GPC2: variants seen among roughly 807,000 people sequenced by gnomAD.
GPC2 encodes the protein glypican-2.
A neutral mutation model predicts 57.3 loss-of-function variants in GPC2; 42 were observed. The observed-to-expected ratio is 0.73, with a 90% CI of 0.57 to 0.95. The LOEUF (loss-of-function observed/expected upper bound fraction) is 0.95, where lower values mean the gene tolerates loss of function less well. Among genes scored for constraint, GPC2 ranks in the 40% least tolerant of loss-of-function variants. The pLI is 0.00. For synonymous variants in GPC2, 364 were observed against 343.4 expected (o/e 1.06, Z -0.66); for missense variants, 745 against 793.6 (o/e 0.94, Z 0.74).
In GPC2 at chr7:100,177,232, C is replaced by A. The variant is rs1218517099; in HGVS notation, c.-33G>T. ...GCCACCCCAGGACGGCAAAGTGGGTCCTAAGGAGGAAAGCAGAGCCTCCCA... is the reference window on the plus strand; with the variant it reads ...GCCACCCCAGGACGGCAAAGTGGGTACTAAGGAGGAAAGCAGAGCCTCCCA... On this transcript the variant is annotated 5_prime_UTR_variant, in exon 1 of 10. Coordinates refer to ENST00000292377, the MANE Select transcript of GPC2 (RefSeq NM_152742.3). 2.5e-6 allele frequency: 4 copies of A among 1,579,244 alleles called. No homozygotes were observed. The highest frequency in any genetic ancestry group is 2.7e-5 in the African/African-American group (2 of 74,116).
At chr7:100,173,271 A>G (rs1298440913) in intron 5 of GPC2, among the ~76,000 whole-genome samples, 1 of 151,576 alleles carries the variant, frequency 6.6e-6, no homozygotes, top group African/African-American at 2.4e-5. Flanking sequence ...TGCCTGGCCA[A>G]TTTTAGGATT....
chr7:100,171,337 A>T lies in GPC2; in HGVS notation c.1410T>A (p.Arg470=), dbSNP rs894771741. Residue 470 remains arginine, a synonymous_variant, in exon 9 of 10, where the codon CGT becomes CGA. Coordinates refer to ENST00000292377, the MANE Select transcript of GPC2 (RefSeq NM_152742.3). The surrounding 1 kb of genome is among the most constrained non-coding windows in gnomAD (Gnocchi z 4.8). ...CCGTGGCCGCCCGGAGCTGTAGCCG[A>T]CGCCGCCGTGTCGGGACATCGGGGC... is the stretch of plus-strand genomic sequence containing the variant. The part of the protein sequence containing the change: ...ASGPDVPTRR[R]RLQLRAATAR... 2 of 1,543,874 alleles carry T rather than the reference A, an allele frequency of 1.3e-6. No homozygotes were observed. The highest frequency in any genetic ancestry group is 2.8e-5 in the African/African-American group (2 of 71,560).
chr7:100,176,507 C>T (rs1584634090), intron 1 of GPC2, 142 bp from the exon 2 acceptor site: 2 of 738,412 alleles, frequency 2.7e-6, no homozygotes, highest in East Asian at 2.7e-5. Flanking sequence ...CCTACCTGAA[C>T]CTATCCCCTA....
Position 100,170,430 on chromosome 7 carries a change from C to G in GPC2, c.1540G>C (p.Ala514Pro). 1 of 1,606,944 alleles carries G rather than the reference C, an allele frequency of 6.2e-7. No individual in the cohort carries two copies. Among genetic ancestry groups the G allele is most frequent in the Non-Finnish European group, 8.5e-7 (1 of 1,176,094 alleles). The change falls in exon 10 of 10, where the codon GCT (alanine) becomes CCT (proline). Residue 514 changes from alanine to proline, a missense_variant. Ala to Pro is a conservative substitution (Grantham distance 27, BLOSUM62 -1). This residue lies in a region of GPC2 where 607 missense variants were observed against 603.9 expected (regional missense o/e 1.01). Coordinates refer to ENST00000292377, the MANE Select transcript of GPC2 (RefSeq NM_152742.3). ...GGQQYADDWMAGAVAPPARPP... is the reference protein window; with the variant it reads ...GGQQYADDWMPGAVAPPARPP... ...CGGGCTGGGGGAGCCACAGCCCCAG[C>G]CATCCAGTCATCTGCATACTGCTGT... is the stretch of plus-strand genomic sequence containing the variant.
chr7:100,177,244 A>G lies in GPC2; in HGVS notation c.-45T>C, dbSNP rs779022989. ...CGGCAAAGTGGGTCCTAAGGAGGAA[A>G]GCAGAGCCTCCCAAACTCGGGAATC... On this transcript the variant is annotated 5_prime_UTR_variant, in exon 1 of 10. Transcript: ENST00000292377. The G allele has an allele frequency of 1.3e-6, 2 of 1,536,132 alleles. No homozygotes were observed. Among genetic ancestry groups the G allele is most frequent in the Middle Eastern group, 2.3e-4 (1 of 4,360 alleles).
At position 100,171,823 on chromosome 7, in the gene GPC2, C is replaced by T. The variant is rs1412006814; in HGVS notation, c.1126G>A (p.Glu376Lys). Residue 376 changes from glutamate to lysine, a missense_variant, in exon 7 of 10, where the codon GAG becomes AAG. This residue lies in a region of GPC2 where 607 missense variants were observed against 603.9 expected (regional missense o/e 1.01). Transcript: ENST00000292377. The surrounding 1 kb of genome is among the most constrained non-coding windows in gnomAD (Gnocchi z 4.8). ...CCTGCGGCCGTCGTGGGCCGCTCCT[C>T]CTCGGTCACCATCGACCACAGCCGG... ...AGRLWSMVTE[E>K]ERPTTAAGTN... The T allele has an allele frequency of 1.3e-6, 2 of 1,574,198 alleles. No individual in the cohort carries two copies. Among genetic ancestry groups the T allele is most frequent in the Non-Finnish European group, 1.7e-6 (2 of 1,168,602 alleles).
intron 5 of GPC2, 41 bp downstream of exon 5, chr7:100,173,794 A>T: frequency 6.8e-7 from 1 of 1,471,872 alleles, no homozygotes. Flanking sequence ...TACAGGTGTG[A>T]GCCACCATGC....
intron 5 of GPC2, among the ~76,000 whole-genome samples, chr7:100,172,659 G>GTGTGTA (rs1554400908): frequency 1.1e-4 from 14 of 130,234 alleles, no homozygotes; most frequent in East Asian, 9.8e-4. Flanking sequence ...ATGTGTGTGT[G>GTGTGTA]TATATATATA....
rs1799187348 is a variant in GPC2, at chr7:100,171,981, T to TC, written c.1024-57dup. 9 of 1,554,116 alleles carry TC rather than the reference T, an allele frequency of 5.8e-6. No homozygotes were observed. Among genetic ancestry groups the TC allele is most frequent in the Non-Finnish European group, 7.8e-6 (9 of 1,150,462 alleles). On this transcript the variant is annotated intron_variant, in intron 6 of 9. Transcript: ENST00000292377. The surrounding 1 kb of genome is among the most constrained non-coding windows in gnomAD (Gnocchi z 4.8). ...CACCCTGGGGGGAAACCACACTGCGTCCCCACTCTGACCCCAGAGTCTCTT... is the reference window on the plus strand; with the variant it reads ...CACCCTGGGGGGAAACCACACTGCGTCCCCCACTCTGACCCCAGAGTCTCTT...
chr7:100,173,941 CAG>C lies in GPC2; in HGVS notation c.784_785del (p.Leu262ValfsTer30). ...GCATAAGTGAGGGGACCCCCCGGCA[CAG>C]GGGACAGCCGATGAGACGCATCAGA... Reference protein sequence around the residue: ...QALMRLIGCPLCRGVPSLMPC... With the variant: ...QALMRLIGCPXCRGVPSLMPC... On this transcript the variant is annotated frameshift_variant, in exon 5 of 10. Transcript: ENST00000292377. LOFTEE classifies it high-confidence loss of function. 6.2e-7 allele frequency: 1 copy of C among 1,602,188 alleles called. No homozygotes were observed. The highest frequency in any genetic ancestry group is 1.1e-5 in the South Asian group (1 of 89,602).
chr7:100,171,514 GC>G lies in GPC2; in HGVS notation c.1310+24del. ...CCCGGCCGCGGTCCCGCCCCCTGCT[GC>G]CCCCCGACGCCCCCGAGGCTCACCG... On this transcript the variant is annotated intron_variant, in intron 8 of 9. Transcript: ENST00000292377. The surrounding 1 kb of genome is among the most constrained non-coding windows in gnomAD (Gnocchi z 4.8). 5.2e-6 allele frequency: 7 copies of G among 1,354,302 alleles called. No homozygotes were observed. Among genetic ancestry groups the G allele is most frequent in the South Asian group, 1.8e-5 (1 of 55,076 alleles). The allele number at this position is 1,354,302 out of a possible 1,614,324, so 83.9% of individuals were successfully genotyped here. A position where few individuals can be genotyped will look rare whatever the true frequency, so the allele number is the denominator to read the frequency against.
chr7:100,172,368 C>T (rs1799193407), intron 5 of GPC2, 151 bp from the exon 6 acceptor site: 1 of 772,124 alleles, frequency 1.3e-6, no homozygotes, highest in Non-Finnish European at 2.1e-6. Context: ...CCCAATTTGG[C>T]TTTAAAGCCC....
Position 100,175,723 on chromosome 7 carries a change from A to T in GPC2, c.497T>A (p.Phe166Tyr). The T allele has an allele frequency of 6.2e-7, 1 of 1,614,164 alleles. No homozygotes were observed. The highest frequency in any genetic ancestry group is 8.5e-7 in the Non-Finnish European group (1 of 1,180,024). The change falls in exon 3 of 10, where the codon TTC becomes TAC. Residue 166 changes from phenylalanine (F) to tyrosine (Y), a missense_variant. Phe to Tyr is a conservative substitution (Grantham distance 22). Coordinates refer to ENST00000292377, the MANE Select transcript of GPC2 (RefSeq NM_152742.3). ...GEGLDDTLAD[F>Y]WAQLLERVFP... ...CACTCTCTCCAGGAGCTGTGCCCAG[A>T]AATCCGCCAGGGTGTCATCCAACCC...
intron 3 of GPC2, 139 bp from the exon 4 acceptor site, chr7:100,174,904 C>T (rs746994764): frequency 1.6e-6 from 1 of 633,102 alleles, no homozygotes; most frequent in Non-Finnish European, 2.8e-6. Flanking sequence ...TTGGGTGGTA[C>T]AGAGAGGCAG....
chr7:100,173,279 AT>A (rs1356572920), intron 5 of GPC2, among the ~76,000 whole-genome samples: 2 of 151,358 alleles, frequency 1.3e-5, no homozygotes, highest in Admixed American at 1.3e-4. Flanking sequence ...CAATTTTAGG[AT>A]TTTTTTAGAC....
chr7:100,174,835 G>A (rs1288491649), intron 3 of GPC2, 70 bp from the exon 4 acceptor site: 1 of 1,177,376 alleles, frequency 8.5e-7, no homozygotes, highest in Admixed American at 1.9e-5. Flanking sequence ...GGAGCCAAGA[G>A]ACTGCATCAA....
In GPC2 at chr7:100,173,960, C is replaced by T. The variant is rs113203779; in HGVS notation, c.767G>A (p.Arg256His). 4.1e-5 allele frequency: 66 copies of T among 1,597,088 alleles called. No homozygotes were observed. The highest frequency in any genetic ancestry group is 2.6e-4 in the African/African-American group (19 of 73,826). The change falls in exon 5 of 10, where the codon CGT becomes CAT. Residue 256 changes from arginine to histidine, a missense_variant. Transcript: ENST00000292377. Reference sequence around the variant, plus strand: ...CCGGCACAGGGGACAGCCGATGAGACGCATCAGAGCCTGGCTGCAGCCTTC... The same window carrying T: ...CCGGCACAGGGGACAGCCGATGAGATGCATCAGAGCCTGGCTGCAGCCTTC... ...VSEGCSQALM[R>H]LIGCPLCRGV...
chr7:100,170,310 C>A lies in GPC2; in HGVS notation c.1660G>T (p.Gly554Trp), dbSNP rs377442808. ...GTGTGAAAACCAATAGATGCCCCCC[C>A]ACTCCTGCTCCGGCCCTGGTTGTAG... ...ARYNQGRSRS[G>W]GASIGFHTQT... is the part of the protein sequence containing the mutation. Residue 554 changes from glycine to tryptophan, a missense_variant, in exon 10 of 10, where the codon GGG becomes TGG. By Grantham distance (184) the Gly-to-Trp change is radical. Around this residue, in one of 2 missense-constraint regions of GPC2, gnomAD observed 607 missense variants for 603.9 expected, o/e 1.01. Transcript: ENST00000292377. 54 of 1,609,570 alleles carry A rather than the reference C, an allele frequency of 3.4e-5. No individual in the cohort carries two copies. Among genetic ancestry groups the A allele is most frequent in the Middle Eastern group, 1.6e-4 (1 of 6,080 alleles).
In GPC2 at chr7:100,174,711, T is replaced by G. The variant is rs757048920; in HGVS notation, c.703A>C (p.Arg235=). 18 of 1,613,688 alleles carry G rather than the reference T, an allele frequency of 1.1e-5. No individual in the cohort carries two copies. Among genetic ancestry groups the G allele is most frequent in the Non-Finnish European group, 1.5e-5 (18 of 1,179,810 alleles). The change falls in exon 4 of 10, where the codon AGA becomes CGA. Residue 235 remains arginine, a synonymous_variant. Coordinates refer to ENST00000292377, the MANE Select transcript of GPC2 (RefSeq NM_152742.3). ...TTAAGCGCTTCGCTGACCACATTTCTTCCAGTCTCCAGGCCCTGCACAAAG... is the reference window on the plus strand; with the variant it reads ...TTAAGCGCTTCGCTGACCACATTTCGTCCAGTCTCCAGGCCCTGCACAAAG... ...RAFVQGLETG[R]NVVSEALKVP... is the part of the protein sequence containing the mutation.
Sources: gnomAD v4.1 joint callset for allele counts (sites outside exome capture counted in the v4.1 genomes callset) on GRCh38, gnomAD v4.1.1 for gene constraint, gnomAD v4.1.1 regional missense constraint, Gnocchi (gnomAD v3.1) non-coding constraint, MANE v1.5 for transcripts, NCBI Gene and HGNC (gene_info 2026-07-23, HGNC 2026-07-21) for gene names.